The following ABCB4 variants were observed in gnomAD, a reference collection of about 807,000 sequenced individuals.
The protein encoded by ABCB4 is phosphatidylcholine translocator ABCB4.
A neutral mutation model predicts 145.7 loss-of-function variants in ABCB4; 76 were observed. The observed-to-expected ratio is 0.52, with a 90% CI of 0.43 to 0.63. The LOEUF is 0.63. Among genes scored for constraint, ABCB4 ranks in the 30% least tolerant of loss-of-function variants. The probability of loss-of-function intolerance (pLI) is 0.00; values close to 1 mark genes in which losing one functional copy is unlikely to be tolerated. For missense variants in ABCB4, 1,234 were observed against 1,553.1 expected (o/e 0.79, Z 3.45); for synonymous variants, 517 against 566.8 (o/e 0.91, Z 1.25).
At chr7:87,467,134 T>G (rs1456923055) in intron 3 of ABCB4, among the ~76,000 whole-genome samples, 2 of 151,846 alleles carry the variant, frequency 1.3e-5, no homozygotes, top group African/African-American at 2.4e-5. Context: ...GACCCATCAG[T>G]GTGCTGTATT....
At chr7:87,402,518 TA>T (rs1807861597) in intron 27 of ABCB4, among the ~76,000 whole-genome samples, 1 of 152,174 alleles carries the variant, frequency 6.6e-6, no homozygotes, top group Non-Finnish European at 1.5e-5. Context: ...TCCCATGCTG[TA>T]AAAAAATTCA....
chr7:87,439,803 T>C lies in ABCB4; in HGVS notation c.1595A>G (p.Gln532Arg), dbSNP rs1419708491. 2.5e-6 allele frequency: 4 copies of C among 1,614,076 alleles called. No individual in the cohort carries two copies. The highest frequency in any genetic ancestry group is 3.4e-6 in the Non-Finnish European group (4 of 1,180,030). ...CCTCTGCTTCTGCCCACCACTCAGC[T>C]GGGCCCCTCTCTCTCCAACCAGGGT... is the stretch of plus-strand genomic sequence containing the variant. ...FDTLVGERGA[Q>R]LSGGQKQRIA... Residue 532 changes from glutamine to arginine, a missense_variant, in exon 14 of 28, where the codon CAG becomes CGG. This residue lies in a region of ABCB4 where 467 missense variants were observed against 632.8 expected (regional missense o/e 0.74). Transcript: ENST00000649586.
At chr7:87,382,709 G>A in the ABCB4 span, among the ~76,000 whole-genome samples, 2 of 152,078 alleles carry the variant, frequency 1.3e-5, no homozygotes, top group African/African-American at 4.8e-5. Flanking sequence ...TCTGATCTGT[G>A]GTGGTTTCAC....
intron 15 of ABCB4, among the ~76,000 whole-genome samples, chr7:87,429,637 C>T (rs1003287124): frequency 5.3e-5 from 8 of 152,088 alleles, no homozygotes. Context: ...CCTTGGTAAC[C>T]ACTCATGAAA....
At chr7:87,430,436 G>A (rs1810134726) in intron 15 of ABCB4, among the ~76,000 whole-genome samples, 1 of 152,144 alleles carries the variant, frequency 6.6e-6, no homozygotes, top group African/African-American at 2.4e-5. Context: ...TTGCTCAAGT[G>A]ACTGAGTATA....
At chr7:87,380,560 T>C in the ABCB4 span, among the ~76,000 whole-genome samples, 1 of 152,212 alleles carries the variant, frequency 6.6e-6, no homozygotes, top group Non-Finnish European at 1.5e-5. Context: ...CCTACATTCT[T>C]AAACACTATG....
At chr7:87,369,330 G>A in the ABCB4 span, 2 of 1,376,706 alleles carry the variant, frequency 1.5e-6, no homozygotes, top group Admixed American at 1.9e-5. Flanking sequence ...CTTTACTCCT[G>A]TTTAACCTTA....
intron 14 of ABCB4, among the ~76,000 whole-genome samples, chr7:87,433,820 C>A (rs1173928146): frequency 1.3e-5 from 2 of 151,546 alleles, no homozygotes; most frequent in East Asian, 3.9e-4. Context: ...GAAAGGTGGG[C>A]CTAAACAAAG....
At chr7:87,395,499 G>A in the ABCB4 span, among the ~76,000 whole-genome samples, 1 of 152,198 alleles carries the variant, frequency 6.6e-6, no homozygotes, top group Non-Finnish European at 1.5e-5. Context: ...AAGGCAGAAA[G>A]GGATAGGCCA....
At chr7:87,439,219 T>C (rs1413708870) in intron 14 of ABCB4, among the ~76,000 whole-genome samples, 2 of 152,078 alleles carry the variant, frequency 1.3e-5, no homozygotes, top group Admixed American at 6.6e-5. Context: ...AAGTACAGAG[T>C]TGAACTTTAT....
intron 4 of ABCB4, 62 bp downstream of exon 4, chr7:87,462,696 C>T: frequency 6.5e-7 from 1 of 1,542,664 alleles, no homozygotes; most frequent in Non-Finnish European, 9.0e-7. Flanking sequence ...AAATCAACTC[C>T]CAAATTTTTA....
intron 7 of ABCB4, 127 bp downstream of exon 7, chr7:87,451,496 G>A: frequency 1.0e-6 from 1 of 965,788 alleles, no homozygotes; most frequent in Non-Finnish European, 1.6e-6. Flanking sequence ...TTAACACCAT[G>A]TTACTGGATG....
the ABCB4 span, chr7:87,381,899 TCTC>T: frequency 6.3e-7 from 1 of 1,581,750 alleles, no homozygotes. Context: ...TCTTGTGTGT[TCTC>T]ATTTTAGCAT....
At chr7:87,406,195 ATAT>A in intron 26 of ABCB4, 90 bp downstream of exon 26, 1 of 1,322,178 alleles carries the variant, frequency 7.6e-7, no homozygotes, top group East Asian at 2.3e-5. Flanking sequence ...GTAAATCAAC[ATAT>A]TTTGTTACAA....
At chr7:87,402,358 C>T in intron 27 of ABCB4, 56 bp from the exon 28 acceptor site, 1 of 1,593,042 alleles carries the variant, frequency 6.3e-7, no homozygotes, top group Non-Finnish European at 8.6e-7. Context: ...TTAGTTTTAA[C>T]ATTCAAGTAA....
intron 23 of ABCB4, among the ~76,000 whole-genome samples, chr7:87,411,543 A>G (rs1808623911): frequency 6.6e-6 from 1 of 152,186 alleles, no homozygotes. Context: ...ATAGTAAGCT[A>G]TATAACCCTG....
chr7:87,368,242 G>T, the ABCB4 span, among the ~76,000 whole-genome samples: 5 of 152,216 alleles, frequency 3.3e-5, no homozygotes, highest in South Asian at 2.1e-4. Flanking sequence ...TCAAATATCC[G>T]CCAGGTTTAT....
intron 2 of ABCB4, among the ~76,000 whole-genome samples, chr7:87,474,510 A>G (rs941083003): frequency 1.3e-5 from 2 of 152,210 alleles, no homozygotes; most frequent in African/African-American, 4.8e-5. Context: ...TCAAGCCCCT[A>G]GCAGCTTGAG....
chr7:87,376,658 C>T, the ABCB4 span, among the ~76,000 whole-genome samples: 2 of 150,676 alleles, frequency 1.3e-5, no homozygotes, highest in Admixed American at 6.6e-5. Context: ...TGAGAATCAC[C>T]AGACTTCTTT....
Sources: allele counts gnomAD v4.1 joint callset (sites outside exome capture counted in the v4.1 genomes callset), GRCh38; gene constraint gnomAD v4.1.1; regional missense constraint gnomAD v4.1.1; transcripts MANE v1.5; gene names NCBI Gene and HGNC (gene_info 2026-07-23, HGNC 2026-07-21).